The following ITPKB variants were observed in gnomAD, a reference collection of about 807,000 sequenced individuals.
The protein encoded by ITPKB is inositol-trisphosphate 3-kinase B.
In ITPKB, 13 loss-of-function variants were observed where a neutral mutation model predicts 69.4. The ratio of observed to expected loss-of-function variants is 0.19; its 90% CI spans 0.12 to 0.30. The LOEUF is 0.30. Ranked by LOEUF, ITPKB falls within the 10% of genes least tolerant of loss-of-function variation. The probability of loss-of-function intolerance (pLI) is 1.00; values close to 1 mark genes in which losing one functional copy is unlikely to be tolerated. For synonymous variants in ITPKB, 584 were observed against 513.7 expected (o/e 1.14, Z -1.85); for missense variants, 1,240 against 1,250.5 (o/e 0.99, Z 0.13).
intron 2 of ITPKB, among the ~76,000 whole-genome samples, chr1:226,699,703 A>C (rs1656587976): frequency 6.6e-6 from 1 of 152,218 alleles, no homozygotes; most frequent in Non-Finnish European, 1.5e-5. Context: ...CATAGCACCC[A>C]GTACAGCAGA....
chr1:226,676,920 C>T (rs1027609432), intron 2 of ITPKB, among the ~76,000 whole-genome samples: 2 of 152,164 alleles, frequency 1.3e-5, no homozygotes, highest in African/African-American at 4.8e-5. Flanking sequence ...ACTGGAAGGA[C>T]CATATTGTGT....
At chr1:226,715,488 C>A (rs114313091) in intron 2 of ITPKB, among the ~76,000 whole-genome samples, 1,817 of 152,290 alleles carry the variant, frequency 0.012, 29 homozygotes, top group Middle Eastern at 0.041. Flanking sequence ...CACACACAAC[C>A]ATCCTGGAAG....
intron 4 of ITPKB, 97 bp downstream of exon 4, chr1:226,647,070 C>A (rs1321280378): frequency 9.3e-7 from 1 of 1,070,778 alleles, no homozygotes; most frequent in African/African-American, 1.5e-5. Flanking sequence ...TGCCCTTGCA[C>A]CTGTGAGGCC....
At chr1:226,665,343 T>C (rs946703941) in intron 2 of ITPKB, among the ~76,000 whole-genome samples, 1 of 152,234 alleles carries the variant, frequency 6.6e-6, no homozygotes, top group Non-Finnish European at 1.5e-5. Flanking sequence ...GTCTACTCAC[T>C]GGCCATGTCA....
chr1:226,735,657 G>A lies in ITPKB; in HGVS notation c.1802C>T (p.Ser601Phe). The A allele has an allele frequency of 1.9e-6, 3 of 1,611,830 alleles. No individual in the cohort carries two copies. Among genetic ancestry groups the A allele is most frequent in the Non-Finnish European group, 2.5e-6 (3 of 1,178,772 alleles). ...GGAGAAGCCCGTGGAGGAGGCCGAG[G>A]AAGAGGACAGTTTCCTCAGGGGCAG... The part of the protein sequence containing the change: ...GNLPLRKLSS[S>F]SASSTGFSSS... The change falls in exon 2 of 8, where the codon TCC becomes TTC. Residue 601 changes from serine to phenylalanine, a missense_variant. Physicochemically the swap from Ser to Phe is radical, Grantham distance 155. Around this residue, in one of 2 missense-constraint regions of ITPKB, gnomAD observed 992 missense variants for 853.8 expected, o/e 1.16. Transcript: ENST00000429204.
intron 2 of ITPKB, among the ~76,000 whole-genome samples, chr1:226,685,278 G>C (rs1283310604): frequency 6.6e-6 from 1 of 152,100 alleles, no homozygotes; most frequent in Non-Finnish European, 1.5e-5. Context: ...AATTCAGCTC[G>C]TGCTGAGCTC....
chr1:226,736,718 C>T lies in ITPKB; in HGVS notation c.741G>A (p.Glu247=). 6.2e-7 allele frequency: 1 copy of T among 1,612,800 alleles called. No homozygotes were observed. Among genetic ancestry groups the T allele is most frequent in the Non-Finnish European group, 8.5e-7 (1 of 1,179,730 alleles). The change falls in exon 2 of 8, where the codon GAG becomes GAA. Residue 247 remains glutamate, a synonymous_variant. Coordinates refer to ENST00000429204, the MANE Select transcript of ITPKB (RefSeq NM_002221.4). ...LPGRAAPTGS[E]AQGPSAFVRM... ...TTACAAAAGCGGATGGACCCTGAGC[C>T]TCTGATCCTGTAGGGGCAGCCCGGC...
chr1:226,678,934 C>CA (rs1655992462), intron 2 of ITPKB, among the ~76,000 whole-genome samples: 1 of 152,220 alleles, frequency 6.6e-6, no homozygotes, highest in African/African-American at 2.4e-5. Context: ...TCTCAGGGAG[C>CA]ACGCCTCTGC....
chr1:226,669,391 C>T (rs903182545), intron 2 of ITPKB, among the ~76,000 whole-genome samples: 9 of 150,210 alleles, frequency 6.0e-5, no homozygotes, highest in African/African-American at 2.2e-4. Flanking sequence ...GAGCGAAACT[C>T]TGTCTCAAAA....
chr1:226,647,569 G>A (rs1198281582), intron 3 of ITPKB, among the ~76,000 whole-genome samples, 189 bp from the exon 4 acceptor site: 1 of 152,202 alleles, frequency 6.6e-6, no homozygotes, highest in African/African-American at 2.4e-5. Context: ...CTCACTAACT[G>A]TAATTCTGAG....
chr1:226,678,020 A>G (rs940788247), intron 2 of ITPKB, among the ~76,000 whole-genome samples: 1 of 152,202 alleles, frequency 6.6e-6, no homozygotes, highest in Non-Finnish European at 1.5e-5. Flanking sequence ...TTACTTGAAT[A>G]CATTGAAAAC....
intron 2 of ITPKB, among the ~76,000 whole-genome samples, chr1:226,671,631 A>C (rs1669620498): frequency 1.3e-5 from 2 of 152,242 alleles, no homozygotes; most frequent in South Asian, 4.1e-4. Context: ...GAAGATAAAT[A>C]AAGCCAGGTA....
At position 226,649,399 on chromosome 1, in the gene ITPKB, T is replaced by C. The variant is rs555111146; in HGVS notation, c.1933-628A>G. ...GATTGTGTGCATGTGTGCATGAGTGTGTGTGCATGTGTGATATGTGCATGA... is the reference window on the plus strand; with the variant it reads ...GATTGTGTGCATGTGTGCATGAGTGCGTGTGCATGTGTGATATGTGCATGA... On this transcript the variant is annotated intron_variant, in intron 2 of 7. Coordinates refer to ENST00000429204, the MANE Select transcript of ITPKB (RefSeq NM_002221.4). 2.1e-4 allele frequency among the ~76,000 whole-genome samples: 30 copies of C among 143,128 alleles called. No homozygotes were observed. In the South Asian group the frequency reaches 6.8e-3, roughly 32 times the overall value. The allele number at this position is 143,128 out of a possible 152,430, so 93.9% of individuals were successfully genotyped here.
intron 2 of ITPKB, among the ~76,000 whole-genome samples, chr1:226,721,225 G>A (rs1558095974): frequency 6.7e-6 from 1 of 149,914 alleles, no homozygotes; most frequent in Non-Finnish European, 1.5e-5. Flanking sequence ...GCACATGCCT[G>A]TAATCCCAGC....
intron 2 of ITPKB, among the ~76,000 whole-genome samples, chr1:226,697,280 A>G (rs1437695963): frequency 3.3e-5 from 5 of 152,266 alleles, no homozygotes; most frequent in Admixed American, 3.3e-4. Context: ...GGCATGATGC[A>G]TTCAGAGGCA....
intron 2 of ITPKB, among the ~76,000 whole-genome samples, chr1:226,654,754 C>A (rs1436135669): frequency 6.6e-6 from 1 of 152,208 alleles, no homozygotes; most frequent in South Asian, 2.1e-4. Context: ...CCATCCTCCC[C>A]GGGTCCTTCC....
chr1:226,701,964 A>G (rs2102788563), intron 2 of ITPKB, among the ~76,000 whole-genome samples: 1 of 152,244 alleles, frequency 6.6e-6, no homozygotes, highest in South Asian at 2.1e-4. Flanking sequence ...TTCCTCCCCT[A>G]AGTCCCATGC....
Position 226,652,169 on chromosome 1 carries a change from G to A in ITPKB, c.1933-3398C>T, listed in dbSNP as rs566031395. ...ATTTCCAGGTCCAGGCTGGGGGAAG[G>A]AGGGAAGGAGGGCTGCAGGGTGACC... On this transcript the variant is annotated intron_variant, in intron 2 of 7. Coordinates refer to ENST00000429204, the MANE Select transcript of ITPKB (RefSeq NM_002221.4). 3.3e-5 allele frequency among the ~76,000 whole-genome samples: 5 copies of A among 152,368 alleles called. No individual in the cohort carries two copies. In the East Asian group the frequency reaches 9.6e-4, roughly 29 times the overall value.
chr1:226,678,363 T>C (rs1205704606), intron 2 of ITPKB, among the ~76,000 whole-genome samples: 1 of 152,232 alleles, frequency 6.6e-6, no homozygotes, highest in Non-Finnish European at 1.5e-5. Flanking sequence ...AGACTTGCTT[T>C]CCCTAAAGGG....
Sources: allele counts gnomAD v4.1 joint callset (sites outside exome capture counted in the v4.1 genomes callset), GRCh38; gene constraint gnomAD v4.1.1; regional missense constraint gnomAD v4.1.1; transcripts MANE v1.5; gene names NCBI Gene and HGNC (gene_info 2026-07-23, HGNC 2026-07-21).